PPARGC1A: variants seen among roughly 807,000 people sequenced by gnomAD.
PPARGC1A encodes the protein PPARG coactivator 1 alpha.
A neutral mutation model predicts 88.7 loss-of-function variants in PPARGC1A; 25 were observed. That is an observed-to-expected ratio of 0.28 (90% CI 0.21 to 0.39). PPARGC1A has a LOEUF of 0.39. Among genes scored for constraint, PPARGC1A ranks in the 10% least tolerant of loss-of-function variants. The probability of loss-of-function intolerance (pLI) is 1.00; values close to 1 mark genes in which losing one functional copy is unlikely to be tolerated. For synonymous variants in PPARGC1A, 363 were observed against 355.6 expected (o/e 1.02, Z -0.24); for missense variants, 880 against 968.7 (o/e 0.91, Z 1.22).
chr4:24,358,901 C>T, the PPARGC1A span, among the ~76,000 whole-genome samples: 1 of 152,176 alleles, frequency 6.6e-6, no homozygotes. Context: ...GAGACATTTT[C>T]CTCATGTTCC....
chr4:24,213,574 A>G, the PPARGC1A span, among the ~76,000 whole-genome samples: 1 of 152,218 alleles, frequency 6.6e-6, no homozygotes, highest in Non-Finnish European at 1.5e-5. Flanking sequence ...CAGAAACGCT[A>G]TGACATTGCG....
chr4:24,439,803 A>G, the PPARGC1A span, among the ~76,000 whole-genome samples: 1 of 152,232 alleles, frequency 6.6e-6, no homozygotes, highest in East Asian at 1.9e-4. Context: ...GGTTATACAA[A>G]TAGGCTCTGG....
the PPARGC1A span, among the ~76,000 whole-genome samples, chr4:24,240,690 T>C: frequency 6.6e-6 from 1 of 152,206 alleles, no homozygotes; most frequent in Admixed American, 6.5e-5. Flanking sequence ...AATTGGGATA[T>C]AAAGCAATTT....
At chr4:24,142,753 A>G in the PPARGC1A span, among the ~76,000 whole-genome samples, 3 of 152,168 alleles carry the variant, frequency 2.0e-5, no homozygotes, top group Admixed American at 1.3e-4. Flanking sequence ...CAAGACCTCA[A>G]GGAGATTAGG....
At chr4:24,079,733 A>C in the PPARGC1A span, among the ~76,000 whole-genome samples, 6 of 152,098 alleles carry the variant, frequency 3.9e-5, no homozygotes, top group East Asian at 1.2e-3. Context: ...TGCATTTTAC[A>C]CTTTTCCGCC....
chr4:24,098,206 G>C, the PPARGC1A span, among the ~76,000 whole-genome samples: 5 of 152,128 alleles, frequency 3.3e-5, no homozygotes, highest in African/African-American at 1.2e-4. Flanking sequence ...ATTCACTTTA[G>C]AGAAACTAAA....
chr4:24,331,060 T>C, the PPARGC1A span, among the ~76,000 whole-genome samples: 1 of 152,176 alleles, frequency 6.6e-6, no homozygotes, highest in Non-Finnish European at 1.5e-5. Flanking sequence ...TCTAGTAATA[T>C]TCTTCATGCT....
At chr4:24,182,560 G>A in the PPARGC1A span, among the ~76,000 whole-genome samples, 3 of 152,080 alleles carry the variant, frequency 2.0e-5, no homozygotes, top group Non-Finnish European at 4.4e-5. Context: ...CTAGATCCTT[G>A]AGGAACTGCC....
rs1560365979 is a variant in PPARGC1A, at chr4:23,818,596, CACTT to C, written c.878-3995_878-3992del. On this transcript the variant is annotated intron_variant, in intron 7 of 12. Coordinates refer to ENST00000264867, the MANE Select transcript of PPARGC1A (RefSeq NM_013261.5). ...TAAACAAGCACCTCTACATCACTCACACTTACGCACTTCTGCACAGCAAATCTGG... is the reference window on the plus strand; with the variant it reads ...TAAACAAGCACCTCTACATCACTCACACGCACTTCTGCACAGCAAATCTGG... Among the ~76,000 whole-genome samples, 4 of 152,140 alleles carry C rather than the reference CACTT, an allele frequency of 2.6e-5. No homozygotes were observed. The South Asian group carries it at 8.3e-4, about 32-fold the overall frequency.
the PPARGC1A span, among the ~76,000 whole-genome samples, chr4:24,265,823 C>T: frequency 1.3e-5 from 2 of 151,454 alleles, no homozygotes; most frequent in East Asian, 1.9e-4. Context: ...TTAAGACTCA[C>T]CCACATTCTA....
At chr4:24,027,988 AT>A in the PPARGC1A span, among the ~76,000 whole-genome samples, 1 of 152,166 alleles carries the variant, frequency 6.6e-6, no homozygotes, top group South Asian at 2.1e-4. Context: ...AATAGGTCAT[AT>A]TATTATCATC....
At chr4:23,945,440 C>T in the PPARGC1A span, among the ~76,000 whole-genome samples, 1 of 152,004 alleles carries the variant, frequency 6.6e-6, no homozygotes, top group Non-Finnish European at 1.5e-5. Context: ...GGGAAAAAAA[C>T]CAGTGCTGAG....
At chr4:24,471,533 C>G in the PPARGC1A span, among the ~76,000 whole-genome samples, 1 of 152,168 alleles carries the variant, frequency 6.6e-6, no homozygotes, top group Non-Finnish European at 1.5e-5. This position sits in a 1 kb window ranked among gnomAD's most constrained non-coding sequence, Gnocchi z 5.4. Flanking sequence ...GCTCCAGCTC[C>G]CAGAATAGCT....
the PPARGC1A span, among the ~76,000 whole-genome samples, chr4:23,919,256 A>G: frequency 6.6e-6 from 1 of 152,302 alleles, no homozygotes; most frequent in South Asian, 2.1e-4. Context: ...TAGTCCTTAT[A>G]AATGGTAGTT....
At chr4:23,897,441 T>C (rs1277627555) in intron 1 of PPARGC1A, among the ~76,000 whole-genome samples, 1 of 152,206 alleles carries the variant, frequency 6.6e-6, no homozygotes, top group Non-Finnish European at 1.5e-5. Context: ...CATGTAATGA[T>C]ACTGAGCCTC....
chr4:24,439,646 C>T, the PPARGC1A span, among the ~76,000 whole-genome samples: 3 of 152,150 alleles, frequency 2.0e-5, no homozygotes, highest in African/African-American at 2.4e-5. Context: ...CCAGAAGAAA[C>T]GGGAAGAATT....
the PPARGC1A span, among the ~76,000 whole-genome samples, chr4:24,252,630 A>G: frequency 2.6e-5 from 4 of 152,342 alleles, no homozygotes; most frequent in African/African-American, 9.6e-5. Flanking sequence ...TTCCAATGGA[A>G]TATGAGTGAG....
At chr4:24,214,023 G>A in the PPARGC1A span, among the ~76,000 whole-genome samples, 12 of 152,298 alleles carry the variant, frequency 7.9e-5, no homozygotes, top group East Asian at 1.9e-4. Flanking sequence ...GCGCTGTAGC[G>A]ATCAAGAAAA....
At chr4:24,190,446 C>T in the PPARGC1A span, among the ~76,000 whole-genome samples, 2 of 151,964 alleles carry the variant, frequency 1.3e-5, no homozygotes, top group South Asian at 2.1e-4. Flanking sequence ...ACCCAGGAGG[C>T]GTAGCTTGCA....
Sources: gnomAD v4.1 joint callset for allele counts (sites outside exome capture counted in the v4.1 genomes callset) on GRCh38, gnomAD v4.1.1 for gene constraint, Gnocchi (gnomAD v3.1) non-coding constraint, MANE v1.5 for transcripts, NCBI Gene and HGNC (gene_info 2026-07-23, HGNC 2026-07-21) for gene names.